The following CDC123 variants were observed in gnomAD, a reference collection of about 807,000 sequenced individuals.
The protein encoded by CDC123 is cell division cycle 123, also known as translation initiation factor eIF2 assembly protein.
A neutral mutation model predicts 54.4 loss-of-function variants in CDC123; 37 were observed. The observed-to-expected ratio is 0.68, with a 90% CI of 0.52 to 0.89. The LOEUF is 0.89. CDC123 is among the 40% of genes least tolerant of loss of function. CDC123 has a pLI of 0.00. For synonymous variants in CDC123, 144 were observed against 136.8 expected (o/e 1.05, Z -0.37); for missense variants, 361 against 412.1 (o/e 0.88, Z 1.07).
chr10:12,224,933 C>T (rs529411308), intron 6 of CDC123, among the ~76,000 whole-genome samples: 11 of 152,136 alleles, frequency 7.2e-5, no homozygotes, highest in East Asian at 3.9e-4. Flanking sequence ...GCTTGGGGTC[C>T]GAGCTGCTCC....
intron 1 of CDC123, among the ~76,000 whole-genome samples, chr10:12,197,078 T>A (rs887114311): frequency 2.0e-5 from 3 of 152,206 alleles, no homozygotes; most frequent in Admixed American, 2.0e-4. Context: ...TGGCTTAGAA[T>A]GGTTAAAATG....
intron 2 of CDC123, among the ~76,000 whole-genome samples, chr10:12,200,810 C>T (rs551903093): frequency 6.6e-6 from 1 of 152,098 alleles, no homozygotes; most frequent in Non-Finnish European, 1.5e-5. Context: ...GTGGGCACCT[C>T]TGATTCCTAC....
chr10:12,229,522 G>A (rs1036805455), intron 6 of CDC123, among the ~76,000 whole-genome samples: 2 of 152,140 alleles, frequency 1.3e-5, no homozygotes, highest in Admixed American at 1.3e-4. Flanking sequence ...ACGTTTCTCC[G>A]TGCTTTAAAT....
intron 2 of CDC123, among the ~76,000 whole-genome samples, chr10:12,204,016 C>T (rs1238530624): frequency 6.6e-6 from 1 of 150,382 alleles, no homozygotes; most frequent in Admixed American, 6.7e-5. Flanking sequence ...TGGCTTGAAC[C>T]CAGGAATTGG....
chr10:12,200,168 C>T (rs1261652570), intron 2 of CDC123, among the ~76,000 whole-genome samples: 4 of 120,890 alleles, frequency 3.3e-5, no homozygotes, highest in African/African-American at 1.3e-4. Context: ...GCTCTGTCAG[C>T]CAGGCTGGAG....
chr10:12,238,555 T>TAAC, intron 10 of CDC123, 70 bp downstream of exon 10: 1 of 1,554,686 alleles, frequency 6.4e-7, no homozygotes, highest in African/African-American at 1.4e-5. Flanking sequence ...AGCATGCCTT[T>TAAC]GTTATGTGTG....
At position 12,238,504 on chromosome 10, in the gene CDC123, T is replaced by G. The variant is rs772555362; in HGVS notation, c.717+19T>G. 2.5e-6 allele frequency: 4 copies of G among 1,607,476 alleles called. No individual in the cohort carries two copies. The Admixed American group carries it at 6.8e-5, about 27-fold the overall frequency. On this transcript the variant is annotated intron_variant, in intron 10 of 12. Transcript: ENST00000281141. ...CAGTAGGGTAAGTAAAAACTCTTTC[T>G]GATATGCTTTAATATAAGAGCTGGT...
At chr10:12,232,714 G>A (rs1159656444) in intron 7 of CDC123, among the ~76,000 whole-genome samples, 5 of 151,938 alleles carry the variant, frequency 3.3e-5, no homozygotes, top group African/African-American at 7.2e-5. Flanking sequence ...TTCACGCAAC[G>A]AACATCTGTC....
At position 12,198,760 on chromosome 10, in the gene CDC123, C is replaced by T; in HGVS notation, c.130C>T (p.Leu44=). 6.3e-7 allele frequency: 1 copy of T among 1,583,980 alleles called. No homozygotes were observed. Residue 44 remains leucine (L), a synonymous_variant, in exon 2 of 13, where the codon CTG becomes TTG. Transcript: ENST00000281141. ...GGATTATTTACTCGATGATGGAACTCTGGTGGTTTCAGGAAGGTAAAGTAT... is the reference window on the plus strand; with the variant it reads ...GGATTATTTACTCGATGATGGAACTTTGGTGGTTTCAGGAAGGTAAAGTAT... ...VKDYLLDDGT[L]VVSGRDDPPT...
chr10:12,210,072 A>G, intron 3 of CDC123, 48 bp downstream of exon 3: 1 of 1,584,808 alleles, frequency 6.3e-7, no homozygotes, highest in South Asian at 1.1e-5. Flanking sequence ...TGTAATTTAA[A>G]TGATCTCTGA....
At chr10:12,200,514 G>C (rs560243051) in intron 2 of CDC123, among the ~76,000 whole-genome samples, 84 of 152,240 alleles carry the variant, frequency 5.5e-4, no homozygotes, top group African/African-American at 2.0e-3. Context: ...AAGTAAAATA[G>C]CTTTTAATAT....
intron 2 of CDC123, among the ~76,000 whole-genome samples, chr10:12,207,290 T>C (rs12413792): frequency 0.51 from 77,045 of 151,948 alleles, 20,724 homozygotes; most frequent in Middle Eastern, 0.63. Flanking sequence ...AAATTTCAAC[T>C]ATCATGTTTT....
In CDC123 at chr10:12,246,199, A is replaced by G. The variant is rs1385818947; in HGVS notation, c.768A>G (p.Ser256=). 2 of 1,614,124 alleles carry G rather than the reference A, an allele frequency of 1.2e-6. No homozygotes were observed. Among genetic ancestry groups the G allele is most frequent in the Admixed American group, 1.7e-5 (1 of 60,016 alleles). ...DFNPFGEVTD[S]LLFTWEELIS... The stretch of plus-strand genomic sequence containing the variant: ...ATCCATTTGGTGAAGTCACAGATTC[A>G]CTGCTGTTCACCTGGGAAGAACTGA... Residue 256 remains serine, a synonymous_variant, in exon 11 of 13, where the codon TCA becomes TCG. Transcript: ENST00000281141.
At chr10:12,238,296 G>A (rs531422619) in intron 9 of CDC123, among the ~76,000 whole-genome samples, 161 bp from the exon 10 acceptor site, 5 of 152,248 alleles carry the variant, frequency 3.3e-5, no homozygotes, top group Admixed American at 3.3e-4. Flanking sequence ...AACATTGCAG[G>A]ATGCCTTTTT....
At chr10:12,202,380 C>G (rs991893894) in intron 2 of CDC123, among the ~76,000 whole-genome samples, 1 of 152,202 alleles carries the variant, frequency 6.6e-6, no homozygotes, top group Non-Finnish European at 1.5e-5. Context: ...TTCCTCTGCT[C>G]TCACACCACA....
At chr10:12,205,891 C>T (rs1226252334) in intron 2 of CDC123, among the ~76,000 whole-genome samples, 3 of 152,068 alleles carry the variant, frequency 2.0e-5, no homozygotes, top group Non-Finnish European at 4.4e-5. Context: ...CTCTGCCTAC[C>T]GGGTTCAAGC....
At chr10:12,244,433 A>G (rs933287212) in intron 10 of CDC123, among the ~76,000 whole-genome samples, 2 of 152,194 alleles carry the variant, frequency 1.3e-5, no homozygotes, top group African/African-American at 4.8e-5. Flanking sequence ...CGTGGCCGTC[A>G]TTCCTGGCGG....
At position 12,224,060 on chromosome 10, in the gene CDC123, A is replaced by G. The variant is rs190195171; in HGVS notation, c.440+6593A>G. ...CCCAGAAGTCCAGTGTATCATTTTT[A>G]TGCCTTTGCGTCTTCATAGCTTAGC... is the stretch of plus-strand genomic sequence containing the variant. On this transcript the variant is annotated intron_variant, in intron 6 of 12. Transcript: ENST00000281141. Among the ~76,000 whole-genome samples, 17 of 152,140 alleles carry G rather than the reference A, an allele frequency of 1.1e-4. No homozygotes were observed. In the East Asian group the frequency reaches 3.1e-3, roughly 28 times the overall value.
At chr10:12,202,994 G>A (rs572547585) in intron 2 of CDC123, among the ~76,000 whole-genome samples, 32 of 152,326 alleles carry the variant, frequency 2.1e-4, no homozygotes, top group Non-Finnish European at 3.1e-4. Context: ...CAGCCTGGGC[G>A]ACAGAGCGAG....
Sources: gnomAD v4.1 joint callset for allele counts (sites outside exome capture counted in the v4.1 genomes callset) on GRCh38, gnomAD v4.1.1 for gene constraint, MANE v1.5 for transcripts, NCBI Gene and HGNC (gene_info 2026-07-23, HGNC 2026-07-21) for gene names.